NDUFAF7: variants seen among roughly 807,000 people sequenced by gnomAD.
NDUFAF7 encodes NADH:ubiquinone oxidoreductase complex assembly factor 7.
Under a neutral mutation model 47.2 loss-of-function variants are expected in NDUFAF7, and 48 were observed. That is an observed-to-expected ratio of 1.02 (90% CI 0.81 to 1.29). The LOEUF (loss-of-function observed/expected upper bound fraction) is 1.29. Among genes scored for constraint, NDUFAF7 ranks in the 50% most tolerant of loss-of-function variants. NDUFAF7 has a pLI of 0.00. For synonymous variants in NDUFAF7, 217 were observed against 190.0 expected, an observed-to-expected ratio of 1.14 and a Z score of -1.17; for missense variants, 635 against 537.6, an observed-to-expected ratio of 1.18 and a Z score of -1.79.
rs146556644 is a variant in NDUFAF7 at position 37,236,125 on chromosome 2, C to T, written c.246C>T (p.Gly82=). ...ATTATGTGTACCGTGACATGCTAGG[C>T]GAAAAAGGAGATTTCATTACTTCAC... ...KGYYVYRDML[G]EKGDFITSPE... The change falls in exon 3 of 10, where the codon GGC becomes GGT. Residue 82 remains glycine (G), a synonymous_variant. Transcript: ENST00000002125. The T allele has an allele frequency of 2.1e-5, 34 of 1,612,816 alleles. No homozygotes were observed. The highest frequency in any genetic ancestry group is 1.7e-4 in the Middle Eastern group (1 of 6,058).
At chr2:37,259,763 A>C in the NDUFAF7 span, 1 of 953,350 alleles carries the variant, frequency 1.0e-6, no homozygotes. Context: ...ATTTAATTTG[A>C]AAACTCCACT....
In NDUFAF7 at chr2:37,248,344, G is replaced by A; in HGVS notation, c.1320G>A (p.Trp440Ter). The change falls in exon 10 of 10, where the codon TGG (tryptophan) becomes TGA (stop). Residue 440 changes from tryptophan to a stop codon, truncating the protein, a stop_gained. Transcript: ENST00000002125. LOFTEE classifies it high-confidence loss of function. ...SVVAGFSELAWQ is the reference protein window; with the variant it reads ...SVVAGFSELA ...TAGCTGGGTTTAGTGAACTTGCTTG[G>A]CAGTGATATTTCAGCTTGGACATTT... 1 of 1,613,542 alleles carries A rather than the reference G, an allele frequency of 6.2e-7. No individual in the cohort carries two copies. Among genetic ancestry groups the A allele is most frequent in the Non-Finnish European group, 8.5e-7 (1 of 1,179,474 alleles).
chr2:37,245,575 A>G (rs554225946), intron 7 of NDUFAF7, among the ~76,000 whole-genome samples: 1 of 152,330 alleles, frequency 6.6e-6, no homozygotes, highest in African/African-American at 2.4e-5. Context: ...AGAGGGCATG[A>G]TAATATAATT....
At chr2:37,265,680 A>C in the NDUFAF7 span, among the ~76,000 whole-genome samples, 1,236 of 152,318 alleles carry the variant, frequency 8.1e-3, 10 homozygotes, top group Non-Finnish European at 0.014. Flanking sequence ...AAGTATAAAT[A>C]TCTGACATAA....
Position 37,248,482 on chromosome 2 carries a change from A to G in NDUFAF7, c.*132A>G. ...ACAGCAAGAACAGTCCATGTTGTAT[A>G]TAATACAACCAACATTATAGAACTT... On this transcript the variant is annotated 3_prime_UTR_variant, in exon 10 of 10. Coordinates refer to ENST00000002125, the MANE Select transcript of NDUFAF7 (RefSeq NM_144736.5). 1 of 882,900 alleles carries G rather than the reference A, an allele frequency of 1.1e-6. No homozygotes were observed. Among genetic ancestry groups the G allele is most frequent in the Admixed American group, 2.0e-5 (1 of 50,904 alleles). The allele number at this position is 882,900 out of a possible 1,614,324, so 54.7% of individuals were successfully genotyped here.
chr2:37,249,791 TATTA>T (rs1667332617), downstream of NDUFAF7, among the ~76,000 whole-genome samples: 3 of 152,128 alleles, frequency 2.0e-5, no homozygotes, highest in Non-Finnish European at 1.5e-5. Context: ...GTTAGAGAAT[TATTA>T]ATTAGCAACA....
chr2:37,232,182 G>T lies in NDUFAF7; in HGVS notation c.132G>T (p.Leu44=), dbSNP rs1410670973. ...CAGAAAACCCGGTGACGCCGATGCT[G>T]CGGCATCTTATGTACAAAATAAAGT... ...EPAENPVTPM[L]RHLMYKIKST... The change falls in exon 2 of 10, where the codon CTG becomes CTT. Residue 44 remains leucine (L), a synonymous_variant. Coordinates refer to ENST00000002125, the MANE Select transcript of NDUFAF7 (RefSeq NM_144736.5). 1 of 1,614,148 alleles carries T rather than the reference G, an allele frequency of 6.2e-7. No homozygotes were observed. Among genetic ancestry groups the T allele is most frequent in the East Asian group, 2.2e-5 (1 of 44,880 alleles).
At chr2:37,237,935 A>T in intron 4 of NDUFAF7, 68 bp downstream of exon 4, 2 of 1,098,076 alleles carry the variant, frequency 1.8e-6, no homozygotes, top group East Asian at 2.4e-5. Context: ...TGTGCAAACC[A>T]TGTTGATTTC....
At chr2:37,240,323 G>A (rs1191297278) in intron 4 of NDUFAF7, among the ~76,000 whole-genome samples, 1 of 151,918 alleles carries the variant, frequency 6.6e-6, no homozygotes, top group Non-Finnish European at 1.5e-5. Flanking sequence ...GCTGAGATGG[G>A]AGGATTGCTT....
Position 37,243,991 on chromosome 2 carries a change from T to A in NDUFAF7, c.792+18T>A, listed in dbSNP as rs779220200. The A allele has an allele frequency of 3.2e-6, 5 of 1,559,054 alleles. No individual in the cohort carries two copies. The East Asian group carries it at 1.1e-4, about 35-fold the overall frequency. On this transcript the variant is annotated intron_variant, in intron 7 of 9. Transcript: ENST00000002125. Reference sequence around the variant, plus strand: ...TCATACAAGTAAGAATATGCTTTTTTAAGTTTCTTTTATTGCTCACAGAAT... The same window carrying A: ...TCATACAAGTAAGAATATGCTTTTTAAAGTTTCTTTTATTGCTCACAGAAT...
rs1434785260 is a variant in NDUFAF7, at chr2:37,248,421, C to A, written c.*71C>A. 6 of 1,376,282 alleles carry A rather than the reference C, an allele frequency of 4.4e-6. No homozygotes were observed. The highest frequency in any genetic ancestry group is 6.2e-6 in the Non-Finnish European group (6 of 964,850). 85.3% of individuals were successfully genotyped at this position (1,376,282 alleles called of 1,614,324 possible). ...AAATAAAGGAAACACATTTCATATA[C>A]TGCAGGTAACAAAAGTCAAAGTATT... On this transcript the variant is annotated 3_prime_UTR_variant, in exon 10 of 10. Coordinates refer to ENST00000002125, the MANE Select transcript of NDUFAF7 (RefSeq NM_144736.5).
downstream of NDUFAF7, chr2:37,251,181 G>A (rs184889611): frequency 5.9e-3 from 893 of 152,560 alleles, 3 homozygotes; most frequent in Non-Finnish European, 0.01. Context: ...CTATCACAGG[G>A]AAAATAACAT....
chr2:37,231,879 G>T, intron 1 of NDUFAF7, 119 bp downstream of exon 1: 2 of 1,580,624 alleles, frequency 1.3e-6, no homozygotes, highest in Non-Finnish European at 1.7e-6. Context: ...CCACCTTGAA[G>T]GTACCCTGGG....
At position 37,242,707 on chromosome 2, in the gene NDUFAF7, A is replaced by T. The variant is rs142499241; in HGVS notation, c.681+14A>T. The T allele has an allele frequency of 9.7e-4, 1,520 of 1,564,692 alleles. 9 individuals carry two copies. In the African/African-American group the frequency reaches 0.015, roughly 16 times the overall value. On this transcript the variant is annotated intron_variant, in intron 6 of 9. Transcript: ENST00000002125. ...CATAAATTTCAGGTATTGAGGGGGG[A>T]AAAAAGTCATGTCTATAATTGAATA...
chr2:37,248,448 T>C lies in NDUFAF7; in HGVS notation c.*98T>C, dbSNP rs945536138. 2.9e-4 allele frequency: 352 copies of C among 1,195,240 alleles called. 1 individual carries two copies. The highest frequency in any genetic ancestry group is 4.0e-4 in the Non-Finnish European group (326 of 807,088). The allele number at this position is 1,195,240 out of a possible 1,614,324, so 74.0% of individuals were successfully genotyped here. On this transcript the variant is annotated 3_prime_UTR_variant, in exon 10 of 10. Transcript: ENST00000002125. ...GCAGGTAACAAAAGTCAAAGTATTT[T>C]ATCTTTTCACAGCAAGAACAGTCCA...
downstream of NDUFAF7, among the ~76,000 whole-genome samples, chr2:37,255,823 T>C (rs776910973): frequency 9.2e-5 from 14 of 151,980 alleles, no homozygotes; most frequent in Admixed American, 1.3e-4. Context: ...CTGGGCAACA[T>C]AGTGGGACCC....
At chr2:37,270,449 G>A in the NDUFAF7 span, among the ~76,000 whole-genome samples, 9 of 150,424 alleles carry the variant, frequency 6.0e-5, no homozygotes, top group South Asian at 1.9e-3. Flanking sequence ...GTCTGTAACT[G>A]AAATCCATTC....
At chr2:37,247,731 C>G (rs1667084119) in intron 9 of NDUFAF7, 102 bp downstream of exon 9, 2 of 1,355,798 alleles carry the variant, frequency 1.5e-6, no homozygotes, top group Non-Finnish European at 1.0e-6. Context: ...TGTAGTTAGC[C>G]AATCCTTGGT....
chr2:37,257,666 CAAAAGAAAAAAAAAAA>C (rs149456330), downstream of NDUFAF7, among the ~76,000 whole-genome samples: 10,840 of 62,448 alleles, frequency 0.17, 1,438 homozygotes, highest in African/African-American at 0.39. Context: ...GACTCTGTCT[CAAAAGAAAAAAAAAAA>C]AAAAAAAAAA....
Sources: allele counts gnomAD v4.1 joint callset (sites outside exome capture counted in the v4.1 genomes callset), GRCh38; gene constraint gnomAD v4.1.1; transcripts MANE v1.5; gene names NCBI Gene and HGNC (gene_info 2026-07-23, HGNC 2026-07-21).